The following COL25A1 variants were observed in gnomAD, a reference collection of about 807,000 sequenced individuals.
COL25A1 encodes the protein collagen type XXV alpha 1 chain, also known as collagen alpha-1(XXV) chain.
A neutral mutation model predicts 128.4 loss-of-function variants in COL25A1; 103 were observed. That is an observed-to-expected ratio of 0.80 (90% CI 0.68 to 0.94). The LOEUF (loss-of-function observed/expected upper bound fraction) is 0.94. COL25A1 is among the 40% of genes least tolerant of loss of function. The pLI, the probability that COL25A1 is intolerant of heterozygous loss-of-function variation, is 0.00. For missense variants in COL25A1, 745 were observed against 840.0 expected (o/e 0.89, Z 1.40); for synonymous variants, 279 against 277.2 (o/e 1.01, Z -0.06).
chr4:109,173,932 T>C (rs1384841942), intron 3 of COL25A1, among the ~76,000 whole-genome samples: 1 of 152,184 alleles, frequency 6.6e-6, no homozygotes, highest in Non-Finnish European at 1.5e-5. Flanking sequence ...AGTATTTCCT[T>C]TGAGCATCAT....
intron 24 of COL25A1, among the ~76,000 whole-genome samples, chr4:108,858,928 GACA>G (rs1736839454): frequency 6.6e-6 from 1 of 152,126 alleles, no homozygotes. Context: ...CAGTGGACTT[GACA>G]TAGAAGTTAT....
intron 6 of COL25A1, among the ~76,000 whole-genome samples, chr4:108,988,235 A>G (rs999895852): frequency 6.6e-6 from 1 of 152,212 alleles, no homozygotes; most frequent in Admixed American, 6.5e-5. Flanking sequence ...CTTTCTCTCA[A>G]ATGTGTAGCT....
intron 3 of COL25A1, among the ~76,000 whole-genome samples, chr4:109,259,796 T>G (rs1173532851): frequency 6.6e-6 from 1 of 152,236 alleles, no homozygotes; most frequent in Admixed American, 6.5e-5. Flanking sequence ...TTCCATTTTT[T>G]ATACCTATCT....
rs1392203003 is a variant in COL25A1 at position 109,301,773 on chromosome 4, C to G, written c.247G>C (p.Asp83His). Residue 83 changes from aspartate (D) to histidine (H), a missense_variant, in exon 2 of 38, where the codon GAT (aspartate) becomes CAT (histidine). Coordinates refer to ENST00000399132, the MANE Select transcript of COL25A1 (RefSeq NM_198721.4). ...TCTTGCACCATAGTCTTGAGGTGAT[C>G]CAGGGTATCAGGCAGCAGATGAATG... is the stretch of plus-strand genomic sequence containing the variant. ...PSIHLLPDTL[D>H]HLKTMVQEKV... The G allele has an allele frequency of 1.2e-6, 2 of 1,614,114 alleles. No homozygotes were observed. Among genetic ancestry groups the G allele is most frequent in the South Asian group, 2.2e-5 (2 of 91,084 alleles).
In COL25A1 at chr4:109,050,156, T is replaced by C; in HGVS notation, c.391A>G (p.Arg131Gly). Reference protein sequence around the residue: ...PAGPPGKRGKRGRRGESGPPG... With the variant: ...PAGPPGKRGKGGRRGESGPPG... ...TTACCAGATTCTCCTCTTCGGCCTC[T>C]CTTACCTCGTTTCCCTGGAGGGCCT... is the stretch of plus-strand genomic sequence containing the variant. The change falls in exon 4 of 38, where the codon AGA (arginine) becomes GGA (glycine). Residue 131 changes from arginine (R) to glycine (G), a missense_variant. Transcript: ENST00000399132. 4 of 1,608,950 alleles carry C rather than the reference T, an allele frequency of 2.5e-6. No individual in the cohort carries two copies. Among genetic ancestry groups the C allele is most frequent in the Non-Finnish European group, 8.5e-7 (1 of 1,176,776 alleles).
chr4:109,189,800 G>T (rs1775443733), intron 3 of COL25A1, among the ~76,000 whole-genome samples: 1 of 151,894 alleles, frequency 6.6e-6, no homozygotes, highest in South Asian at 2.1e-4. Context: ...TGAATAACTT[G>T]TAATTGTCTC....
intron 6 of COL25A1, among the ~76,000 whole-genome samples, chr4:108,982,997 T>C (rs1276922433): frequency 2.0e-5 from 3 of 152,160 alleles, no homozygotes; most frequent in Admixed American, 1.3e-4. Context: ...TGTAGCTCAA[T>C]GGAGTTAAAG....
intron 3 of COL25A1, among the ~76,000 whole-genome samples, chr4:109,286,336 G>C (rs1723891204): frequency 6.6e-6 from 1 of 151,988 alleles, no homozygotes; most frequent in Admixed American, 6.6e-5. Context: ...TTGAGCATAA[G>C]GCAACAGAAG....
intron 3 of COL25A1, among the ~76,000 whole-genome samples, chr4:109,127,851 G>T (rs1478237816): frequency 1.3e-5 from 2 of 152,164 alleles, no homozygotes; most frequent in African/African-American, 2.4e-5. Context: ...AATGCTCACA[G>T]TTAATGTATC....
intron 3 of COL25A1, among the ~76,000 whole-genome samples, chr4:109,215,439 G>C (rs993278725): frequency 6.6e-6 from 1 of 152,070 alleles, no homozygotes; most frequent in Non-Finnish European, 1.5e-5. Flanking sequence ...AAACAATATA[G>C]TTTATTTGGA....
In COL25A1 at chr4:109,222,684, T is replaced by C. The variant is rs1778510688; in HGVS notation, c.367+77899A>G. Among the ~76,000 whole-genome samples the C allele has an allele frequency of 2.0e-5, 3 of 152,310 alleles. No individual in the cohort carries two copies. The South Asian group carries it at 6.2e-4, about 32-fold the overall frequency. On this transcript the variant is annotated intron_variant, in intron 3 of 37. Transcript: ENST00000399132. The stretch of plus-strand genomic sequence containing the variant: ...TATTCCCTCAGTGACCCAAGAGAGT[T>C]TAAAAAGTCATGTTGTCTTTACAGC...
At chr4:109,233,457 T>G (rs111625876) in intron 3 of COL25A1, among the ~76,000 whole-genome samples, 15 of 151,230 alleles carry the variant, frequency 9.9e-5, no homozygotes, top group Non-Finnish European at 1.9e-4. Context: ...TGAAAGACAG[T>G]GAGTATGTGG....
At chr4:109,274,395 T>C (rs1782404104) in intron 3 of COL25A1, among the ~76,000 whole-genome samples, 2 of 152,184 alleles carry the variant, frequency 1.3e-5, no homozygotes. Flanking sequence ...GCTATTCTTT[T>C]TAGCTTTAGA....
intron 3 of COL25A1, among the ~76,000 whole-genome samples, chr4:109,070,918 C>A (rs988448183): frequency 2.0e-5 from 3 of 152,062 alleles, no homozygotes; most frequent in African/African-American, 7.2e-5. Context: ...GCCACATTTT[C>A]TTAATCCAGC....
At position 108,901,033 on chromosome 4, in the gene COL25A1, T is replaced by C. The variant is rs745478329; in HGVS notation, c.834+86A>G. ...ACCCATGTAAGTGCAACTGGTGAGA[T>C]TGTTAAAAATTGTATTAAATAATAG... is the stretch of plus-strand genomic sequence containing the variant. On this transcript the variant is annotated intron_variant, in intron 14 of 37. Coordinates refer to ENST00000399132, the MANE Select transcript of COL25A1 (RefSeq NM_198721.4). The C allele has an allele frequency of 8.3e-4, 868 of 1,051,156 alleles. 4 individuals carry two copies. The highest frequency in any genetic ancestry group is 1.1e-3 in the Non-Finnish European group (728 of 680,248). The allele number at this position is 1,051,156 out of a possible 1,614,324, so 65.1% of individuals were successfully genotyped here.
rs550896276 is a variant in COL25A1, at chr4:109,298,805, A to C, written c.367+1778T>G. Among the ~76,000 whole-genome samples the C allele has an allele frequency of 2.0e-5, 3 of 152,322 alleles. No individual in the cohort carries two copies. The East Asian group carries it at 5.8e-4, about 29-fold the overall frequency. On this transcript the variant is annotated intron_variant, in intron 3 of 37. Coordinates refer to ENST00000399132, the MANE Select transcript of COL25A1 (RefSeq NM_198721.4). ...TCAAATGTTTACCTTGGAAGCTGCCAGGTAAAAACTGATGTAATGTGGAGC... is the reference window on the plus strand; with the variant it reads ...TCAAATGTTTACCTTGGAAGCTGCCCGGTAAAAACTGATGTAATGTGGAGC...
At chr4:108,863,571 T>C (rs1160845983) in intron 20 of COL25A1, among the ~76,000 whole-genome samples, 184 bp from the exon 21 acceptor site, 2 of 152,190 alleles carry the variant, frequency 1.3e-5, no homozygotes, top group African/African-American at 2.4e-5. Flanking sequence ...CAATTTGTGA[T>C]GGTTAATTTT....
chr4:108,996,594 C>T (rs183718445), intron 6 of COL25A1, among the ~76,000 whole-genome samples: 3 of 152,250 alleles, frequency 2.0e-5, no homozygotes, highest in Non-Finnish European at 1.5e-5. Context: ...ATACCCAGGA[C>T]GTGAACTCAG....
intron 3 of COL25A1, among the ~76,000 whole-genome samples, chr4:109,069,719 T>A (rs1762753710): frequency 6.6e-6 from 1 of 152,164 alleles, no homozygotes; most frequent in Non-Finnish European, 1.5e-5. Context: ...GGGCTCTCTG[T>A]AAATGAAATC....
Sources: gnomAD v4.1 joint callset for allele counts (sites outside exome capture counted in the v4.1 genomes callset) on GRCh38, gnomAD v4.1.1 for gene constraint, MANE v1.5 for transcripts, NCBI Gene and HGNC (gene_info 2026-07-23, HGNC 2026-07-21) for gene names.